Variants in NME5 observed in about 807,000 individuals in gnomAD.
NME5 encodes the protein nucleoside diphosphate kinase 5.
Under a neutral mutation model 21.6 loss-of-function variants are expected in NME5, and 18 were observed. That is an observed-to-expected ratio of 0.83 (90% confidence interval 0.58 to 1.24). The LOEUF is 1.24. NME5 is among the 50% of genes most tolerant of loss of function. The probability of loss-of-function intolerance (pLI) is 0.00; values close to 1 mark genes in which losing one functional copy is unlikely to be tolerated. For missense variants in NME5, 223 were observed against 255.4 expected (o/e 0.87, Z 0.86); for synonymous variants, 70 against 80.6 (o/e 0.87, Z 0.71).
At chr5:138,133,280 G>A (rs1402255930) in intron 2 of NME5, among the ~76,000 whole-genome samples, 2 of 148,626 alleles carry the variant, frequency 1.3e-5, no homozygotes, top group East Asian at 2.0e-4. Context: ...TTTTTTTTTT[G>A]TATTTTTAGT....
chr5:138,116,272 G>A (rs1338997476), intron 5 of NME5: 2 of 152,218 alleles, frequency 1.3e-5, no homozygotes, highest in African/African-American at 2.4e-5. Context: ...TATTTTTCAT[G>A]GATACGGAGA....
intron 4 of NME5, among the ~76,000 whole-genome samples, chr5:138,124,043 C>A (rs1258357829): frequency 9.0e-6 from 1 of 110,966 alleles, no homozygotes; most frequent in African/African-American, 3.5e-5. Context: ...GTTGCCCAGG[C>A]TGGGGTGCAA....
chr5:138,118,473 G>A (rs1454194045), intron 5 of NME5, among the ~76,000 whole-genome samples: 2 of 148,486 alleles, frequency 1.3e-5, no homozygotes, highest in Non-Finnish European at 3.0e-5. Context: ...GAAAACTACA[G>A]ACAATTTATA....
intron 3 of NME5, among the ~76,000 whole-genome samples, chr5:138,128,838 AAAAG>A (rs1751493431): frequency 6.6e-6 from 1 of 152,212 alleles, no homozygotes; most frequent in African/African-American, 2.4e-5. Context: ...TGAGAAGTAA[AAAAG>A]CAATGCACAT....
intron 4 of NME5, chr5:138,122,992 T>G (rs1751320781): frequency 6.6e-6 from 1 of 152,158 alleles, no homozygotes; most frequent in South Asian, 2.1e-4. Context: ...CCAAATTTTT[T>G]TTAACTTATA....
At chr5:138,137,369 G>C (rs535815220) in intron 2 of NME5, among the ~76,000 whole-genome samples, 1 of 151,986 alleles carries the variant, frequency 6.6e-6, no homozygotes, top group East Asian at 1.9e-4. Context: ...CCAGGCTGGA[G>C]TACAATGGCG....
In NME5 at chr5:138,118,849, T is replaced by C. The variant is rs1272923034; in HGVS notation, c.524A>G (p.Glu175Gly). The C allele has an allele frequency of 6.2e-7, 1 of 1,612,612 alleles. No individual in the cohort carries two copies. The highest frequency in any genetic ancestry group is 1.3e-5 in the African/African-American group (1 of 75,016). The change falls in exon 5 of 6, where the codon GAG becomes GGG. Residue 175 changes from glutamate to glycine, a missense_variant. Coordinates refer to ENST00000265191, the MANE Select transcript of NME5 (RefSeq NM_003551.3). ...ATCTGCTGGTTTTTGCTTACAAAGC[T>C]CTGTGAGTCCTTCAAGCAGAGTTGG... ...IMPTLLEGLT[E>G]LCKQKPADPL...
intron 2 of NME5, among the ~76,000 whole-genome samples, chr5:138,130,742 T>C (rs758635170): frequency 6.7e-6 from 1 of 149,914 alleles, no homozygotes. Context: ...CTGGTGAACA[T>C]GGTGAAATCT....
chr5:138,125,058 G>A (rs1171057947), intron 4 of NME5, among the ~76,000 whole-genome samples: 3 of 151,996 alleles, frequency 2.0e-5, no homozygotes, highest in Non-Finnish European at 4.4e-5. Context: ...GAGTAGCTGG[G>A]ACTACAGACA....
At chr5:138,118,971 A>G (rs751113162) in intron 4 of NME5, 35 bp from the exon 5 acceptor site, 14 of 1,177,920 alleles carry the variant, frequency 1.2e-5, no homozygotes, top group Non-Finnish European at 1.7e-5. Context: ...TGATGCAAAC[A>G]TAATGATTAA....
chr5:138,137,301 A>G (rs995799204), intron 2 of NME5, among the ~76,000 whole-genome samples: 5 of 149,280 alleles, frequency 3.3e-5, no homozygotes, highest in African/African-American at 1.2e-4. Flanking sequence ...TTTTCTGAAG[A>G]TTGATATTTT....
At chr5:138,136,457 CATCT>C (rs1751699323) in intron 2 of NME5, among the ~76,000 whole-genome samples, 1 of 152,042 alleles carries the variant, frequency 6.6e-6, no homozygotes, top group African/African-American at 2.4e-5. Flanking sequence ...TGTGACCATC[CATCT>C]GTTCTGCCCA....
At chr5:138,133,267 AT>A (rs553383909) in intron 2 of NME5, among the ~76,000 whole-genome samples, 133 of 145,032 alleles carry the variant, frequency 9.2e-4, no homozygotes, top group Non-Finnish European at 7.8e-4. Flanking sequence ...CGCCCGGCTA[AT>A]TTTTTTTTTT....
chr5:138,120,042 C>A (rs1456214178), intron 4 of NME5, among the ~76,000 whole-genome samples: 1 of 151,468 alleles, frequency 6.6e-6, no homozygotes, highest in Non-Finnish European at 1.5e-5. Flanking sequence ...GCTGAAGCAT[C>A]CTCTGGCTTC....
chr5:138,135,283 A>G (rs1277287746), intron 2 of NME5, among the ~76,000 whole-genome samples: 2 of 140,082 alleles, frequency 1.4e-5, no homozygotes, highest in Non-Finnish European at 3.1e-5. Flanking sequence ...GCGCCACTGC[A>G]CTCCAGCCTG....
chr5:138,128,633 T>A, intron 3 of NME5, 54 bp from the exon 4 acceptor site: 2 of 1,187,522 alleles, frequency 1.7e-6, no homozygotes, highest in Non-Finnish European at 2.4e-6. Context: ...TTCCTTACTT[T>A]ATATGCATGC....
intron 5 of NME5, among the ~76,000 whole-genome samples, chr5:138,116,846 C>G (rs1010334970): frequency 1.3e-5 from 2 of 151,854 alleles, no homozygotes; most frequent in Non-Finnish European, 1.5e-5. Flanking sequence ...AAAGTTGGAC[C>G]CCTATACCAC....
chr5:138,137,736 C>T (rs1002314182), intron 2 of NME5, among the ~76,000 whole-genome samples: 5 of 151,778 alleles, frequency 3.3e-5, no homozygotes, highest in Admixed American at 2.0e-4. Flanking sequence ...TGCAGTGGCT[C>T]ACACCTGTAA....
At chr5:138,116,733 T>C (rs565721259) in intron 5 of NME5, 24 of 153,748 alleles carry the variant, frequency 1.6e-4, no homozygotes, top group African/African-American at 5.8e-4. Context: ...TCAACAAATT[T>C]TTGACAATGG....
Sources: allele counts gnomAD v4.1 joint callset (sites outside exome capture counted in the v4.1 genomes callset), GRCh38; gene constraint gnomAD v4.1.1; transcripts MANE v1.5; gene names NCBI Gene and HGNC (gene_info 2026-07-23, HGNC 2026-07-21).